Variants in SPATS2 observed in about 807,000 individuals in gnomAD.
SPATS2 encodes the protein spermatogenesis associated serine rich 2.
SPATS2 carries 38 observed loss-of-function variants against 63.7 expected under a neutral mutation model. The ratio of observed to expected loss-of-function variants is 0.60; its 90% CI spans 0.46 to 0.78. The LOEUF is 0.78. Among genes scored for constraint, SPATS2 ranks in the 30% least tolerant of loss-of-function variants. The pLI is 0.00. For synonymous variants in SPATS2, 207 were observed against 232.9 expected (o/e 0.89, Z 1.01); for missense variants, 588 against 666.2 (o/e 0.88, Z 1.29).
intron 3 of SPATS2, among the ~76,000 whole-genome samples, chr12:49,471,561 G>T (rs1854847073): frequency 6.6e-6 from 1 of 152,114 alleles, no homozygotes; most frequent in South Asian, 2.1e-4. Flanking sequence ...CAAGTTTTAG[G>T]TTTCAAGTGA....
At chr12:49,392,236 ATTT>A (rs201304114) in intron 2 of SPATS2, among the ~76,000 whole-genome samples, 1 of 140,016 alleles carries the variant, frequency 7.1e-6, no homozygotes, top group African/African-American at 2.6e-5. Flanking sequence ...TTTCCATCCT[ATTT>A]TTTTTTTTTG....
chr12:49,384,169 A>G (rs1183714076), intron 2 of SPATS2, among the ~76,000 whole-genome samples: 1 of 152,102 alleles, frequency 6.6e-6, no homozygotes, highest in African/African-American at 2.4e-5. Flanking sequence ...CTTGCTGTAT[A>G]TTGCCCAGGT....
intron 2 of SPATS2, among the ~76,000 whole-genome samples, chr12:49,458,471 G>GA (rs540359848): frequency 7.7e-4 from 116 of 150,796 alleles, no homozygotes; most frequent in Non-Finnish European, 1.5e-3. Context: ...TCTGTCTCCA[G>GA]AAAAAGGAAA....
intron 2 of SPATS2, among the ~76,000 whole-genome samples, chr12:49,454,942 C>T (rs1226344705): frequency 2.6e-5 from 4 of 151,322 alleles, no homozygotes; most frequent in Admixed American, 6.6e-5. Flanking sequence ...GCTCTTACCT[C>T]TTCACGTTCA....
At chr12:49,482,419 C>T (rs577364635) in intron 3 of SPATS2, among the ~76,000 whole-genome samples, 9 of 152,228 alleles carry the variant, frequency 5.9e-5, no homozygotes, top group African/African-American at 2.2e-4. Flanking sequence ...TGTCTGATGG[C>T]GCTTTCTATA....
intron 4 of SPATS2, among the ~76,000 whole-genome samples, chr12:49,486,697 C>T (rs1443314185): frequency 1.3e-5 from 2 of 150,494 alleles, no homozygotes; most frequent in African/African-American, 4.9e-5. Flanking sequence ...AGGAGAGTGG[C>T]GTGAACCTGG....
intron 9 of SPATS2, among the ~76,000 whole-genome samples, chr12:49,500,984 G>C (rs1565753365): frequency 6.6e-6 from 1 of 151,750 alleles, no homozygotes; most frequent in South Asian, 2.1e-4. Flanking sequence ...GTCTTACTCT[G>C]TCTGTCACCC....
chr12:49,393,156 C>T (rs1187086388), intron 2 of SPATS2, among the ~76,000 whole-genome samples: 1 of 151,042 alleles, frequency 6.6e-6, no homozygotes, highest in Admixed American at 6.6e-5. Context: ...ACATTTTCAA[C>T]AATAAAAATG....
intron 2 of SPATS2, among the ~76,000 whole-genome samples, chr12:49,372,941 TGTGTG>T (rs1437808206): frequency 4.1e-4 from 3 of 7,362 alleles, no homozygotes; most frequent in Non-Finnish European, 4.6e-4. Context: ...TTTTCTGTTT[TGTGTG>T]TGTGTGTGTG....
chr12:49,511,709 A>T (rs1337979167), intron 9 of SPATS2, among the ~76,000 whole-genome samples: 1 of 152,210 alleles, frequency 6.6e-6, no homozygotes, highest in Non-Finnish European at 1.5e-5. Flanking sequence ...TTTAGCTCAG[A>T]AACAGATGGA....
At chr12:49,490,850 A>G in intron 6 of SPATS2, 119 bp downstream of exon 6, 1 of 981,148 alleles carries the variant, frequency 1.0e-6, no homozygotes, top group Non-Finnish European at 1.5e-6. Flanking sequence ...CCTGGTTAAA[A>G]AACATCTTTG....
intron 2 of SPATS2, among the ~76,000 whole-genome samples, chr12:49,400,282 A>G (rs976094413): frequency 6.6e-6 from 1 of 152,180 alleles, no homozygotes; most frequent in African/African-American, 2.4e-5. Flanking sequence ...TAGGGTAATC[A>G]GGAAGCAAAA....
At chr12:49,385,394 GAGAC>G (rs1944297241) in intron 2 of SPATS2, among the ~76,000 whole-genome samples, 1 of 151,070 alleles carries the variant, frequency 6.6e-6, no homozygotes, top group Non-Finnish European at 1.5e-5. Flanking sequence ...GTGTGTGGCA[GAGAC>G]AGAGATAGAG....
intron 9 of SPATS2, among the ~76,000 whole-genome samples, chr12:49,503,299 G>A (rs1441307766): frequency 2.0e-5 from 3 of 149,216 alleles, no homozygotes; most frequent in African/African-American, 4.9e-5. Flanking sequence ...GCAGTGAGCT[G>A]AGATCGCGCC....
intron 2 of SPATS2, among the ~76,000 whole-genome samples, chr12:49,426,187 T>C (rs1945072526): frequency 6.6e-6 from 1 of 151,654 alleles, no homozygotes; most frequent in Admixed American, 6.6e-5. Context: ...TTTAGTTTTT[T>C]TCTTTGTTTT....
chr12:49,496,790 C>T (rs773330097), intron 7 of SPATS2, 43 bp from the exon 8 acceptor site: 7 of 1,593,422 alleles, frequency 4.4e-6, no homozygotes, highest in Non-Finnish European at 6.0e-6. Context: ...GACTGGTTTA[C>T]TCCTAAATTG....
chr12:49,372,664 T>G (rs564871652), intron 2 of SPATS2, among the ~76,000 whole-genome samples: 142 of 152,248 alleles, frequency 9.3e-4, no homozygotes, highest in African/African-American at 3.3e-3. Flanking sequence ...TTAAACATGT[T>G]TTACATGTAT....
intron 2 of SPATS2, among the ~76,000 whole-genome samples, chr12:49,420,527 G>A (rs1187748985): frequency 6.6e-6 from 1 of 152,162 alleles, no homozygotes; most frequent in Non-Finnish European, 1.5e-5. Flanking sequence ...CTGGGAGGTG[G>A]AGGTTGCAGT....
At chr12:49,515,720 G>C (rs1946827037) in intron 10 of SPATS2, among the ~76,000 whole-genome samples, 1 of 152,244 alleles carries the variant, frequency 6.6e-6, no homozygotes, top group Admixed American at 6.5e-5. Context: ...TCTTAGTTTT[G>C]AGAAGAAGGT....
Sources: gnomAD v4.1 joint callset for allele counts (sites outside exome capture counted in the v4.1 genomes callset) on GRCh38, gnomAD v4.1.1 for gene constraint, MANE v1.5 for transcripts, NCBI Gene and HGNC (gene_info 2026-07-23, HGNC 2026-07-21) for gene names.